The following CNTLN variants were observed in gnomAD, a reference collection of about 807,000 sequenced individuals.
The protein encoded by CNTLN is centlein, centrosomal protein.
In CNTLN, 212 loss-of-function variants were observed where a neutral mutation model predicts 180.0. That is an observed-to-expected ratio of 1.18 (90% confidence interval 1.05 to 1.32). The LOEUF (loss-of-function observed/expected upper bound fraction) is 1.32. CNTLN is among the 40% of genes most tolerant of loss of function. The pLI is 0.00. For missense variants in CNTLN, 2,095 were observed against 1,610.9 expected (o/e 1.30, Z -5.14); for synonymous variants, 722 against 563.1 (o/e 1.28, Z -3.99).
At position 17,339,770 on chromosome 9, in the gene CNTLN, A is replaced by G. The variant is rs149526249; in HGVS notation, c.1645-1057A>G. On this transcript the variant is annotated intron_variant, in intron 10 of 25. Transcript: ENST00000380647. The stretch of plus-strand genomic sequence containing the variant: ...AAACACAGTTTATAGTCATGTGCAT[A>G]TATCTTCTGAGGACTAAGAATTTCG... Among the ~76,000 whole-genome samples, 515 of 152,328 alleles carry G rather than the reference A, an allele frequency of 3.4e-3. 2 individuals are homozygous for G. The highest frequency in any genetic ancestry group is 0.012 in the African/African-American group (483 of 41,582).
chr9:17,321,099 G>C (rs1819877374), intron 8 of CNTLN, among the ~76,000 whole-genome samples: 1 of 151,968 alleles, frequency 6.6e-6, no homozygotes, highest in Non-Finnish European at 1.5e-5. Flanking sequence ...CTTTTATGTA[G>C]TTTTCTTTTG....
chr9:17,347,546 G>A (rs1821997684), intron 12 of CNTLN, among the ~76,000 whole-genome samples: 1 of 151,908 alleles, frequency 6.6e-6, no homozygotes, highest in African/African-American at 2.4e-5. Context: ...GCGCACGCCT[G>A]TAATCTCAGT....
intron 8 of CNTLN, among the ~76,000 whole-genome samples, chr9:17,316,066 CT>C (rs1169153831): frequency 6.6e-6 from 1 of 151,736 alleles, no homozygotes. Context: ...GTTTAATTGT[CT>C]TTTTTTCTCT....
chr9:17,142,772 A>C (rs888268110), intron 1 of CNTLN, among the ~76,000 whole-genome samples: 2 of 152,202 alleles, frequency 1.3e-5, no homozygotes, highest in African/African-American at 4.8e-5. Flanking sequence ...CAAAAGAGAT[A>C]CCTGTCAGCC....
At chr9:17,396,967 C>T (rs1276507760) in intron 15 of CNTLN, among the ~76,000 whole-genome samples, 2 of 152,168 alleles carry the variant, frequency 1.3e-5, no homozygotes, top group African/African-American at 4.8e-5. Flanking sequence ...TAAAAACTTA[C>T]TTCCCACCCA....
At chr9:17,517,794 G>T in the CNTLN span, among the ~76,000 whole-genome samples, 2 of 152,092 alleles carry the variant, frequency 1.3e-5, no homozygotes, top group Admixed American at 1.3e-4. Flanking sequence ...AAGTCATTCA[G>T]CTTGTGGTCA....
At chr9:17,295,172 A>C (rs927137573) in intron 6 of CNTLN, among the ~76,000 whole-genome samples, 9 of 151,966 alleles carry the variant, frequency 5.9e-5, no homozygotes, top group South Asian at 2.1e-4. Context: ...GCTGGCCCGC[A>C]GGCGCTGCAC....
rs368519541 is a variant in CNTLN, at chr9:17,470,363, A to G, written c.3855+3472A>G. On this transcript the variant is annotated intron_variant, in intron 23 of 25. Coordinates refer to ENST00000380647, the MANE Select transcript of CNTLN (RefSeq NM_017738.4). ...CATTATGATCACCAGGACTCATTCTATGCAGAGCTTATTAGGGTATCATGT... is the reference window on the plus strand; with the variant it reads ...CATTATGATCACCAGGACTCATTCTGTGCAGAGCTTATTAGGGTATCATGT... Among the ~76,000 whole-genome samples, 28 of 152,068 alleles carry G rather than the reference A, an allele frequency of 1.8e-4. 1 individual carries two copies. In the South Asian group the frequency reaches 5.6e-3, roughly 30 times the overall value.
At chr9:17,469,466 A>G (rs184815209) in intron 23 of CNTLN, among the ~76,000 whole-genome samples, 228 of 151,910 alleles carry the variant, frequency 1.5e-3, no homozygotes, top group African/African-American at 5.3e-3. Flanking sequence ...TAAGAAAGGC[A>G]TGATTATCAT....
At chr9:17,263,622 A>C (rs1223809248) in intron 5 of CNTLN, among the ~76,000 whole-genome samples, 1 of 146,726 alleles carries the variant, frequency 6.8e-6, no homozygotes, top group Non-Finnish European at 1.5e-5. Context: ...TGCCACACTG[A>C]CTTCCACAAT....
chr9:17,299,986 C>G (rs1182252543), intron 7 of CNTLN: 2 of 161,522 alleles, frequency 1.2e-5, no homozygotes, highest in Non-Finnish European at 2.6e-5. Context: ...CCAGGCCTCA[C>G]TCTTAGGATC....
chr9:17,251,717 GT>G (rs1826154438), intron 5 of CNTLN, among the ~76,000 whole-genome samples: 1 of 151,760 alleles, frequency 6.6e-6, no homozygotes, highest in South Asian at 2.1e-4. Flanking sequence ...GTCACCTTGA[GT>G]TTTTATCAGT....
chr9:17,459,219 T>C (rs915440703), intron 19 of CNTLN, among the ~76,000 whole-genome samples: 1 of 151,948 alleles, frequency 6.6e-6, no homozygotes, highest in Non-Finnish European at 1.5e-5. Context: ...TTACTTATTT[T>C]ACTTACTACA....
At chr9:17,346,453 G>T (rs1821905076) in intron 12 of CNTLN, among the ~76,000 whole-genome samples, 1 of 152,080 alleles carries the variant, frequency 6.6e-6, no homozygotes, top group African/African-American at 2.4e-5. Context: ...GATTTGGGTG[G>T]GGACACAGCT....
intron 2 of CNTLN, among the ~76,000 whole-genome samples, chr9:17,153,781 T>C (rs111900932): frequency 2.5e-3 from 384 of 152,316 alleles, no homozygotes; most frequent in African/African-American, 8.5e-3. Context: ...TCCGTCACTT[T>C]CAGGTACACC....
At chr9:17,262,741 T>A (rs943447585) in intron 5 of CNTLN, among the ~76,000 whole-genome samples, 1 of 151,224 alleles carries the variant, frequency 6.6e-6, no homozygotes, top group Non-Finnish European at 1.5e-5. Context: ...TTAAAAAAAA[T>A]AAAATAAAGA....
chr9:17,372,826 T>C (rs1050027860), intron 13 of CNTLN, among the ~76,000 whole-genome samples: 3 of 152,150 alleles, frequency 2.0e-5, no homozygotes, highest in Non-Finnish European at 4.4e-5. Flanking sequence ...GTTCAACATT[T>C]GGACATTAAT....
intron 5 of CNTLN, among the ~76,000 whole-genome samples, chr9:17,240,641 A>G (rs1464806748): frequency 2.6e-5 from 4 of 151,836 alleles, no homozygotes; most frequent in Admixed American, 2.0e-4. Flanking sequence ...TGAGCTCCTT[A>G]TATATTCTGG....
At chr9:17,397,780 A>G (rs1034994359) in intron 15 of CNTLN, among the ~76,000 whole-genome samples, 3 of 151,742 alleles carry the variant, frequency 2.0e-5, no homozygotes, top group Non-Finnish European at 4.4e-5. Context: ...GAGACATATC[A>G]TACAATATCT....
Sources: allele counts gnomAD v4.1 joint callset (sites outside exome capture counted in the v4.1 genomes callset), GRCh38; gene constraint gnomAD v4.1.1; transcripts MANE v1.5; gene names NCBI Gene and HGNC (gene_info 2026-07-23, HGNC 2026-07-21).